Variants in ARHGAP23 observed in about 807,000 individuals in gnomAD.
ARHGAP23 encodes the protein rho GTPase-activating protein 23.
ARHGAP23 carries 34 observed loss-of-function variants against 136.3 expected under a neutral mutation model. That is an observed-to-expected ratio of 0.25 (90% CI 0.19 to 0.33). ARHGAP23 has a LOEUF of 0.33. Ranked by LOEUF, ARHGAP23 falls within the 10% of genes least tolerant of loss-of-function variation. ARHGAP23 has a pLI of 1.00. For synonymous variants in ARHGAP23, 832 were observed against 920.5 expected (o/e 0.90, Z 1.74); for missense variants, 1,808 against 2,139.0 (o/e 0.85, Z 3.05).
At chr17:38,421,653 C>T (rs748797787) in intron 1 of ARHGAP23, among the ~76,000 whole-genome samples, 3 of 152,208 alleles carry the variant, frequency 2.0e-5, no homozygotes, top group African/African-American at 4.8e-5. Flanking sequence ...GAATCTCTCA[C>T]GGGGGCTGGA....
At chr17:38,438,105 G>A (rs2038841508) in intron 1 of ARHGAP23, among the ~76,000 whole-genome samples, 1 of 152,166 alleles carries the variant, frequency 6.6e-6, no homozygotes, top group Admixed American at 6.5e-5. Context: ...GGCAAATCAC[G>A]AGGGCAAGAG....
chr17:38,455,971 C>G (rs1246656562), intron 1 of ARHGAP23, among the ~76,000 whole-genome samples: 1 of 152,182 alleles, frequency 6.6e-6, no homozygotes, highest in Non-Finnish European at 1.5e-5. Context: ...GCTGAGACCT[C>G]CTGGACTGGG....
At chr17:38,481,934 A>G in intron 14 of ARHGAP23, 88 bp from the exon 15 acceptor site, 10 of 1,341,860 alleles carry the variant, frequency 7.5e-6, no homozygotes, top group Non-Finnish European at 9.8e-6. Context: ...TGGAATCCCC[A>G]TACGTCCAAA....
chr17:38,505,733 A>C (rs2144813427), intron 23 of ARHGAP23, among the ~76,000 whole-genome samples: 2 of 152,150 alleles, frequency 1.3e-5, no homozygotes, highest in East Asian at 3.8e-4. Context: ...ATTTGAGACC[A>C]GCCTGGCCAA....
chr17:38,426,550 CAAAAAAAAAAA>C (rs751365956), upstream of ARHGAP23, among the ~76,000 whole-genome samples: 1 of 51,230 alleles, frequency 2.0e-5, no homozygotes, highest in African/African-American at 7.4e-5. Context: ...AACTCCATCT[CAAAAAAAAAAA>C]AAAAAAAAAA....
At chr17:38,508,824 T>C (rs1277985204) in intron 23 of ARHGAP23, among the ~76,000 whole-genome samples, 2 of 151,670 alleles carry the variant, frequency 1.3e-5, no homozygotes, top group Non-Finnish European at 2.9e-5. Context: ...TGGTTCCGGA[T>C]AGGTGAGTTT....
chr17:38,484,180 G>T (rs1263446640), intron 16 of ARHGAP23, among the ~76,000 whole-genome samples: 1 of 152,168 alleles, frequency 6.6e-6, no homozygotes, highest in Non-Finnish European at 1.5e-5. Context: ...GGAGGACTTG[G>T]TGGTCTCAGG....
rs2039922677 is a variant in ARHGAP23, at chr17:38,477,518, G to A, written c.2119-61G>A. On this transcript the variant is annotated intron_variant, in intron 11 of 23. Coordinates refer to ENST00000622683, the MANE Select transcript of ARHGAP23 (RefSeq NM_001199417.2). The surrounding 1 kb of genome is among the most constrained non-coding windows in gnomAD (Gnocchi z 6.6). Reference sequence around the variant, plus strand: ...CTGTCCTCTGTCTGCTACTCTGAGAGCAGTGGGCAAAACTGGCCTCTCACC... The same window carrying A: ...CTGTCCTCTGTCTGCTACTCTGAGAACAGTGGGCAAAACTGGCCTCTCACC... The A allele has an allele frequency of 2.5e-6, 3 of 1,186,986 alleles. No individual in the cohort carries two copies. The highest frequency in any genetic ancestry group is 3.1e-6 in the Non-Finnish European group (3 of 953,404). The allele number at this position is 1,186,986 out of a possible 1,614,324, so 73.5% of individuals were successfully genotyped here.
chr17:38,469,123 T>A (rs1296807257), intron 7 of ARHGAP23, 21 bp from the exon 8 acceptor site: 1 of 1,539,068 alleles, frequency 6.5e-7, no homozygotes, highest in Non-Finnish European at 8.8e-7. Context: ...CCTTCACACC[T>A]TTCTCCTTCC....
At chr17:38,473,982 A>G (rs755796126) in intron 11 of ARHGAP23, among the ~76,000 whole-genome samples, 3 of 152,060 alleles carry the variant, frequency 2.0e-5, no homozygotes, top group South Asian at 4.1e-4. Context: ...GTACAGTGGT[A>G]CGATCTCAGC....
At chr17:38,496,132 A>G (rs1342130776) in intron 20 of ARHGAP23, among the ~76,000 whole-genome samples, 1 of 152,096 alleles carries the variant, frequency 6.6e-6, no homozygotes, top group Non-Finnish European at 1.5e-5. Flanking sequence ...TCCTGACCTC[A>G]GGTGATCCGC....
Position 38,510,625 on chromosome 17 carries a change from C to T in ARHGAP23, c.4129C>T (p.Arg1377Cys), listed in dbSNP as rs1268069939. Reference sequence around the variant, plus strand: ...CATGGAGGCGCTGCGTCTAAGGCTCCGCGGCACGGCGGACGACATGCTCGC... The same window carrying T: ...CATGGAGGCGCTGCGTCTAAGGCTCTGCGGCACGGCGGACGACATGCTCGC... ...SRMEALRLRL[R>C]GTADDMLAVR... Residue 1377 changes from arginine (R) to cysteine (C), a missense_variant, in exon 24 of 24, where the codon CGC becomes TGC. Transcript: ENST00000622683. This position sits in a 1 kb window ranked among gnomAD's most constrained non-coding sequence, Gnocchi z 4.6. 35 of 1,346,322 alleles carry T rather than the reference C, an allele frequency of 2.6e-5. No individual in the cohort carries two copies. The highest frequency in any genetic ancestry group is 4.1e-5 in the Admixed American group (1 of 24,132). 83.4% of individuals were successfully genotyped at this position (1,346,322 alleles called of 1,614,324 possible).
chr17:38,438,002 G>A (rs900142571), intron 1 of ARHGAP23, among the ~76,000 whole-genome samples: 1 of 149,590 alleles, frequency 6.7e-6, no homozygotes, highest in Non-Finnish European at 1.5e-5. Flanking sequence ...TTCACTGTGG[G>A]GAGATGAGGC....
In ARHGAP23 at chr17:38,490,190, G is replaced by T. The variant is rs1241060426; in HGVS notation, c.3060+15G>T. 4 of 1,550,912 alleles carry T rather than the reference G, an allele frequency of 2.6e-6. No homozygotes were observed. In the South Asian group the frequency reaches 4.8e-5, roughly 18 times the overall value. On this transcript the variant is annotated intron_variant, in intron 18 of 23. Coordinates refer to ENST00000622683, the MANE Select transcript of ARHGAP23 (RefSeq NM_001199417.2). ...TGCGGAAGCTGGTAAGGAGAGAGAGGTGCTGTCAGACACGAGGTGGGGCAG... is the reference window on the plus strand; with the variant it reads ...TGCGGAAGCTGGTAAGGAGAGAGAGTTGCTGTCAGACACGAGGTGGGGCAG...
chr17:38,479,799 G>A lies in ARHGAP23; in HGVS notation c.2545G>A (p.Gly849Ser), dbSNP rs1324223339. ...TGATTCCTCCCCCAAAGGCTCTCGC[G>A]GCCTGGGGGGCCTCAAGTCTGAGTT... Reference protein sequence around the residue: ...KADSSPKGSRGLGGLKSEFLK... With the variant: ...KADSSPKGSRSLGGLKSEFLK... Residue 849 changes from glycine to serine, a missense_variant, in exon 14 of 24, where the codon GGC becomes AGC. By Grantham distance (56) the Gly-to-Ser change is moderately conservative. This residue lies in a region of ARHGAP23 where 73 missense variants were observed against 82.5 expected (regional missense o/e 0.88). Coordinates refer to ENST00000622683, the MANE Select transcript of ARHGAP23 (RefSeq NM_001199417.2). 1.2e-5 allele frequency: 18 copies of A among 1,519,712 alleles called. No homozygotes were observed. Among genetic ancestry groups the A allele is most frequent in the African/African-American group, 8.4e-5 (6 of 71,792 alleles). The allele number at this position is 1,519,712 out of a possible 1,614,324, so 94.1% of individuals were successfully genotyped here.
At chr17:38,497,013 T>C (rs897820316) in intron 20 of ARHGAP23, among the ~76,000 whole-genome samples, 14 of 152,116 alleles carry the variant, frequency 9.2e-5, no homozygotes, top group African/African-American at 3.4e-4. Flanking sequence ...TTTAGCAGGG[T>C]ATAAAATTCT....
chr17:38,423,126 C>G (rs575312223), intron 1 of ARHGAP23, among the ~76,000 whole-genome samples: 1 of 152,166 alleles, frequency 6.6e-6, no homozygotes, highest in East Asian at 1.9e-4. Flanking sequence ...TGTTGCCCTC[C>G]GTGGAATATG....
intron 23 of ARHGAP23, among the ~76,000 whole-genome samples, chr17:38,504,083 G>C (rs1202233224): frequency 6.6e-6 from 1 of 152,194 alleles, no homozygotes; most frequent in Admixed American, 6.5e-5. Context: ...AGGCAGGGGA[G>C]CTGGTTAGGT....
chr17:38,511,149 T>C lies in ARHGAP23; in HGVS notation c.*177T>C, dbSNP rs1287938028. The stretch of plus-strand genomic sequence containing the variant: ...GAACTGGCAGGGCAGAGGAGAAGGC[T>C]GGGGCCGGACTAATTGAATGGAAGG... On this transcript the variant is annotated 3_prime_UTR_variant, in exon 24 of 24. Transcript: ENST00000622683. 4 of 681,576 alleles carry C rather than the reference T, an allele frequency of 5.9e-6. No homozygotes were observed. The highest frequency in any genetic ancestry group is 5.8e-5 in the African/African-American group (3 of 51,984). The allele number at this position is 681,576 out of a possible 1,614,324, so 42.2% of individuals were successfully genotyped here. A position where few individuals can be genotyped will look rare whatever the true frequency, so the allele number is the denominator to read the frequency against.
Sources: allele counts gnomAD v4.1 joint callset (sites outside exome capture counted in the v4.1 genomes callset), GRCh38; gene constraint gnomAD v4.1.1; regional missense constraint gnomAD v4.1.1; non-coding constraint Gnocchi (gnomAD v3.1); transcripts MANE v1.5; gene names NCBI Gene and HGNC (gene_info 2026-07-23, HGNC 2026-07-21).